TMLHE: variants seen among roughly 807,000 people sequenced by gnomAD.
TMLHE encodes trimethyllysine dioxygenase, mitochondrial.
A neutral mutation model predicts 25.7 loss-of-function variants in TMLHE; 18 were observed. The observed-to-expected ratio is 0.70, with a 90% confidence interval of 0.48 to 1.04. TMLHE has a LOEUF of 1.04. TMLHE is among the 50% of genes least tolerant of loss of function. The pLI, the probability that TMLHE is intolerant of heterozygous loss-of-function variation, is 0.00. For synonymous variants in TMLHE, 105 were observed against 97.0 expected (o/e 1.08, Z -0.49); for missense variants, 236 against 259.0 (o/e 0.91, Z 0.61).
chrX:155,535,752 C>A (rs902913172), intron 2 of TMLHE, among the ~76,000 whole-genome samples: 2 of 111,830 alleles, frequency 1.8e-5, no homozygotes, highest in Non-Finnish European at 3.8e-5. Context: ...CATTTAAGCT[C>A]CACACATCAG....
chrX:155,548,966 G>T (rs2067390353), intron 1 of TMLHE, among the ~76,000 whole-genome samples: 1 of 110,387 alleles, frequency 9.1e-6, no homozygotes, highest in South Asian at 3.8e-4. Context: ...AAGTATAGAG[G>T]TCTTGCACAT....
At position 155,568,762 on chromosome X, in the gene TMLHE, G is replaced by A. The variant is rs1389895157; in HGVS notation, c.-1-23485C>T. On this transcript the variant is annotated intron_variant, in intron 1 of 7. Transcript: ENST00000334398. Reference sequence around the variant, plus strand: ...ACCTCTAACAAACTCCAACAGACCTGCAGCTGAGGGTCCTGTCTGTTAGAA... The same window carrying A: ...ACCTCTAACAAACTCCAACAGACCTACAGCTGAGGGTCCTGTCTGTTAGAA... 3.2e-5 allele frequency among the ~76,000 whole-genome samples: 2 copies of A among 61,672 alleles called. 1 individual carries two copies. The highest frequency in any genetic ancestry group is 9.0e-5 in the Non-Finnish European group (2 of 22,103). 53.6% of individuals were successfully genotyped at this position (61,672 alleles called of 115,157 possible).
intron 2 of TMLHE, among the ~76,000 whole-genome samples, chrX:155,526,772 G>A (rs1249407117): frequency 8.8e-6 from 1 of 113,175 alleles, no homozygotes; most frequent in Non-Finnish European, 1.9e-5. Flanking sequence ...TACCCTGGAT[G>A]TGAGACATGG....
At chrX:155,581,487 A>G (rs1355582762) in intron 1 of TMLHE, among the ~76,000 whole-genome samples, 2 of 111,876 alleles carry the variant, frequency 1.8e-5, no homozygotes, top group African/African-American at 6.5e-5. Flanking sequence ...TCAGGATACA[A>G]AATCAATGTG....
intron 1 of TMLHE, among the ~76,000 whole-genome samples, chrX:155,547,421 G>A (rs1557338943): frequency 1.8e-5 from 2 of 111,764 alleles, no homozygotes; most frequent in African/African-American, 6.5e-5. Flanking sequence ...GGGATTACAG[G>A]CGTGAGCCAC....
At chrX:155,587,238 C>T (rs782430040) in intron 1 of TMLHE, among the ~76,000 whole-genome samples, 1 of 111,769 alleles carries the variant, frequency 8.9e-6, no homozygotes, top group East Asian at 2.8e-4. Flanking sequence ...TGTGCTACAA[C>T]CCATCAACAG....
chrX:155,531,280 AT>A (rs1369950835), intron 2 of TMLHE, among the ~76,000 whole-genome samples: 2 of 111,850 alleles, frequency 1.8e-5, no homozygotes, highest in Admixed American at 1.9e-4. Flanking sequence ...AAGAAAAGAG[AT>A]TTATTTGGCT....
intron 1 of TMLHE, among the ~76,000 whole-genome samples, chrX:155,555,225 G>C (rs1465966320): frequency 9.1e-6 from 1 of 110,397 alleles, no homozygotes; most frequent in Non-Finnish European, 1.9e-5. Flanking sequence ...GTTTATGGCT[G>C]CATAGTATTC....
chrX:155,545,099 A>G lies in TMLHE; in HGVS notation c.178T>C (p.Phe60Leu), dbSNP rs1294431695. Residue 60 changes from phenylalanine (F) to leucine (L), a missense_variant, in exon 2 of 8, where the codon TTT becomes CTT. This residue lies in a region of TMLHE where 217 missense variants were observed against 214.6 expected (regional missense o/e 1.01). Coordinates refer to ENST00000334398, the MANE Select transcript of TMLHE (RefSeq NM_018196.4). ...TCTGTCTTCACACATCTCTTACCAA[A>G]ATGATCTTCATGTTGCTGCCAAGCA... Reference protein sequence around the residue: ...TCAWQQHEDHFELKYANTVMR... With the variant: ...TCAWQQHEDHLELKYANTVMR... The G allele has an allele frequency of 8.3e-7, 1 of 1,206,381 alleles. No individual in the cohort carries two copies. The highest frequency in any genetic ancestry group is 1.1e-6 in the Non-Finnish European group (1 of 893,436).
intron 1 of TMLHE, among the ~76,000 whole-genome samples, chrX:155,567,609 C>T (rs782072208): frequency 6.5e-5 from 4 of 61,744 alleles, no homozygotes; most frequent in African/African-American, 1.4e-4. Flanking sequence ...CTCTGGAAAC[C>T]GACAAAATCA....
At chrX:155,581,937 C>T (rs1205921417) in intron 1 of TMLHE, among the ~76,000 whole-genome samples, 1 of 112,076 alleles carries the variant, frequency 8.9e-6, no homozygotes, top group African/African-American at 3.2e-5. Context: ...TACAAGACTA[C>T]AGTAACCAAA....
At chrX:155,597,147 C>T (rs1281287354) in intron 1 of TMLHE, among the ~76,000 whole-genome samples, 5 of 105,507 alleles carry the variant, frequency 4.7e-5, no homozygotes, top group Non-Finnish European at 9.7e-5. Context: ...TTTGTCCTTG[C>T]GATAGTTTGC....
At chrX:155,600,966 A>G (rs1264251809) in intron 1 of TMLHE, among the ~76,000 whole-genome samples, 1 of 111,957 alleles carries the variant, frequency 8.9e-6, no homozygotes, top group African/African-American at 3.3e-5. Flanking sequence ...GGAAGCTAGC[A>G]TAATAACAAC....
chrX:155,531,318 C>T (rs1423359648), intron 2 of TMLHE, among the ~76,000 whole-genome samples: 2 of 111,752 alleles, frequency 1.8e-5, no homozygotes, highest in Non-Finnish European at 3.8e-5. Context: ...GTACAGAAAG[C>T]ATAGTGCTGG....
intron 1 of TMLHE, among the ~76,000 whole-genome samples, chrX:155,604,298 T>A (rs1372873809): frequency 2.7e-5 from 3 of 110,722 alleles, no homozygotes; most frequent in Non-Finnish European, 5.7e-5. Context: ...AGACCCTGAG[T>A]GCTGTACTCA....
intron 2 of TMLHE, among the ~76,000 whole-genome samples, chrX:155,525,913 G>A (rs1557336400): frequency 8.9e-6 from 1 of 112,525 alleles, no homozygotes; most frequent in East Asian, 2.8e-4. Flanking sequence ...TTCTAACAGT[G>A]TATGCTCATA....
intron 1 of TMLHE, among the ~76,000 whole-genome samples, chrX:155,549,205 T>C (rs1464553110): frequency 1.8e-5 from 2 of 111,063 alleles, no homozygotes; most frequent in Admixed American, 9.5e-5. Flanking sequence ...TACATCTTCT[T>C]TTGCAAACTT....
intron 1 of TMLHE, among the ~76,000 whole-genome samples, chrX:155,549,014 A>G (rs781808461): frequency 9.0e-6 from 1 of 110,960 alleles, no homozygotes; most frequent in South Asian, 3.7e-4. Context: ...TTCTTGTGCT[A>G]TTACAAGCAG....
chrX:155,587,561 A>T (rs1430500641), intron 1 of TMLHE, among the ~76,000 whole-genome samples: 1 of 111,684 alleles, frequency 9.0e-6, no homozygotes, highest in African/African-American at 3.2e-5. Context: ...AATTGGAAAC[A>T]AGGAAGTCAA....
Sources: gnomAD v4.1 joint callset for allele counts (sites outside exome capture counted in the v4.1 genomes callset) on GRCh38, gnomAD v4.1.1 for gene constraint, gnomAD v4.1.1 regional missense constraint, MANE v1.5 for transcripts, NCBI Gene and HGNC (gene_info 2026-07-23, HGNC 2026-07-21) for gene names.